The following CLMP variants were observed in gnomAD, a reference collection of about 807,000 sequenced individuals.
CLMP encodes the protein CXADR-like membrane protein.
CLMP carries 27 observed loss-of-function variants against 45.2 expected under a neutral mutation model. That is an observed-to-expected ratio of 0.60 (90% CI 0.44 to 0.82). CLMP has a LOEUF of 0.82. CLMP is among the 40% of genes least tolerant of loss of function. The probability of loss-of-function intolerance (pLI) is 0.00; values close to 1 mark genes in which losing one functional copy is unlikely to be tolerated. For missense variants in CLMP, 403 were observed against 448.4 expected, an observed-to-expected ratio of 0.90 and a Z score of 0.91; for synonymous variants, 167 against 171.4, an observed-to-expected ratio of 0.97 and a Z score of 0.20.
chr11:123,104,083 G>A (rs557735737), intron 1 of CLMP, among the ~76,000 whole-genome samples: 1 of 148,236 alleles, frequency 6.7e-6, no homozygotes, highest in East Asian at 2.0e-4. Context: ...GCCCGCCTCG[G>A]CCTCCCAAAG....
intron 1 of CLMP, among the ~76,000 whole-genome samples, chr11:123,160,752 C>A (rs918468874): frequency 6.6e-6 from 1 of 151,792 alleles, no homozygotes; most frequent in Admixed American, 6.6e-5. Flanking sequence ...CTGAGGTGGG[C>A]GGATCACCTG....
At chr11:123,089,465 T>C (rs574992828) in intron 2 of CLMP, among the ~76,000 whole-genome samples, 1 of 151,732 alleles carries the variant, frequency 6.6e-6, no homozygotes, top group South Asian at 2.1e-4. Flanking sequence ...GTCTAGTCTA[T>C]GTTAAAAGAA....
intron 4 of CLMP, 58 bp from the exon 5 acceptor site, chr11:123,083,265 GTTTAC>G (rs1214028220): frequency 2.6e-6 from 4 of 1,524,006 alleles, no homozygotes; most frequent in Middle Eastern, 3.4e-4. Flanking sequence ...TATATTTATT[GTTTAC>G]TTTATTGTAT....
chr11:123,177,292 CA>C (rs1046344788), intron 1 of CLMP, among the ~76,000 whole-genome samples: 6 of 151,998 alleles, frequency 3.9e-5, no homozygotes, highest in African/African-American at 1.4e-4. Flanking sequence ...TCTTAGGAAG[CA>C]AAAATGAGGC....
intron 1 of CLMP, among the ~76,000 whole-genome samples, chr11:123,125,555 CCCTCCCTTCCTCCCT>C (rs1860880392): frequency 9.7e-6 from 1 of 102,752 alleles, no homozygotes; most frequent in African/African-American, 3.5e-5. Context: ...CCCCTCCCCT[CCCTCCCTTCCTCCCT>C]CCCTCCCTCC....
At chr11:123,139,662 T>G (rs1861126475) in intron 1 of CLMP, among the ~76,000 whole-genome samples, 1 of 151,772 alleles carries the variant, frequency 6.6e-6, no homozygotes, top group African/African-American at 2.4e-5. Flanking sequence ...TCGTCTCTAC[T>G]AAAATTAGCT....
At chr11:123,092,112 C>T (rs1865937239) in intron 2 of CLMP, among the ~76,000 whole-genome samples, 1 of 152,084 alleles carries the variant, frequency 6.6e-6, no homozygotes, top group Admixed American at 6.6e-5. Flanking sequence ...GCTCAAGGAC[C>T]ACTTTCTGTA....
intron 1 of CLMP, chr11:123,191,532 C>A (rs112808150): frequency 2.6e-5 from 4 of 152,194 alleles, no homozygotes; most frequent in Non-Finnish European, 5.9e-5. Flanking sequence ...TACTAGCACA[C>A]ACGATATACA....
At chr11:123,145,452 GTTTTTTTTTTTTTT>G (rs66487810) in intron 1 of CLMP, among the ~76,000 whole-genome samples, 1 of 61,808 alleles carries the variant, frequency 1.6e-5, no homozygotes, top group Admixed American at 2.0e-4. Context: ...CTCTGCGGCT[GTTTTTTTTTTTTTT>G]TTTTTTTTTT....
intron 1 of CLMP, among the ~76,000 whole-genome samples, chr11:123,131,948 C>T (rs1860995962): frequency 6.6e-6 from 1 of 152,142 alleles, no homozygotes; most frequent in Non-Finnish European, 1.5e-5. Context: ...CTACGTTTAT[C>T]ATCTATAAAA....
intron 1 of CLMP, among the ~76,000 whole-genome samples, chr11:123,109,733 C>G (rs1252823145): frequency 6.6e-6 from 1 of 152,094 alleles, no homozygotes; most frequent in Non-Finnish European, 1.5e-5. Flanking sequence ...ACATGGGGAA[C>G]CAAGAGATTT....
intron 1 of CLMP, among the ~76,000 whole-genome samples, chr11:123,107,497 C>A (rs1294835839): frequency 6.6e-6 from 1 of 150,484 alleles, no homozygotes; most frequent in Non-Finnish European, 1.5e-5. Context: ...TCCCAAAGTG[C>A]TGGGATTACA....
At chr11:123,167,840 T>C (rs1861579313) in intron 1 of CLMP, among the ~76,000 whole-genome samples, 1 of 152,184 alleles carries the variant, frequency 6.6e-6, no homozygotes, top group African/African-American at 2.4e-5. Context: ...CTTCCCTAGT[T>C]GGGAACATGC....
intron 1 of CLMP, among the ~76,000 whole-genome samples, chr11:123,162,691 T>A (rs1486607437): frequency 1.3e-5 from 2 of 150,274 alleles, no homozygotes; most frequent in African/African-American, 4.9e-5. Flanking sequence ...AGCTCAGGAG[T>A]TTGAGAACAG....
chr11:123,150,557 A>T, intron 1 of CLMP, among the ~76,000 whole-genome samples: 1 of 134,334 alleles, frequency 7.4e-6, no homozygotes, highest in Non-Finnish European at 1.6e-5. Context: ...GGAAGGAAGG[A>T]AGGAAAGGAA....
At chr11:123,090,051 T>C (rs909993532) in intron 2 of CLMP, among the ~76,000 whole-genome samples, 5 of 151,094 alleles carry the variant, frequency 3.3e-5, no homozygotes, top group Non-Finnish European at 7.4e-5. Context: ...ATCACGCCAT[T>C]GCACTCCAGC....
intron 1 of CLMP, among the ~76,000 whole-genome samples, chr11:123,151,210 C>T (rs1861333840): frequency 1.3e-5 from 2 of 152,326 alleles, no homozygotes; most frequent in South Asian, 4.1e-4. Context: ...TTGGTTTCTA[C>T]CTAGAAACCT....
intron 2 of CLMP, among the ~76,000 whole-genome samples, chr11:123,089,829 G>A (rs913703166): frequency 6.6e-6 from 1 of 151,504 alleles, no homozygotes; most frequent in Non-Finnish European, 1.5e-5. Flanking sequence ...GCTGGGCGCG[G>A]TGGCTCACAC....
At chr11:123,112,770 A>AAT (rs1555080794) in intron 1 of CLMP, among the ~76,000 whole-genome samples, 44 of 113,982 alleles carry the variant, frequency 3.9e-4, no homozygotes, top group South Asian at 1.4e-3. Flanking sequence ...GTTAGTACCC[A>AAT]TTTTTTTTTT....
Sources: gnomAD v4.1 joint callset for allele counts (sites outside exome capture counted in the v4.1 genomes callset) on GRCh38, gnomAD v4.1.1 for gene constraint, MANE v1.5 for transcripts, NCBI Gene and HGNC (gene_info 2026-07-23, HGNC 2026-07-21) for gene names.